CD200: variants seen among roughly 807,000 people sequenced by gnomAD.
The protein encoded by CD200 is OX-2 membrane glycoprotein.
A neutral mutation model predicts 30.9 loss-of-function variants in CD200; 15 were observed. The ratio of observed to expected loss-of-function variants is 0.49; its 90% confidence interval spans 0.32 to 0.75. The LOEUF (loss-of-function observed/expected upper bound fraction) is 0.75, where lower values mean the gene tolerates loss of function less well. Among genes scored for constraint, CD200 ranks in the 30% least tolerant of loss-of-function variants. The pLI, the probability that CD200 is intolerant of heterozygous loss-of-function variation, is 0.03. For synonymous variants in CD200, 134 were observed against 126.2 expected (o/e 1.06, Z -0.41); for missense variants, 262 against 324.2 (o/e 0.81, Z 1.47).
At chr3:112,355,115 T>C (rs926635342) in intron 5 of CD200, among the ~76,000 whole-genome samples, 1 of 152,228 alleles carries the variant, frequency 6.6e-6, no homozygotes, top group Admixed American at 6.5e-5. Context: ...GCCATTATTA[T>C]GCCTATCACA....
intron 3 of CD200, among the ~76,000 whole-genome samples, chr3:112,345,665 T>C (rs1369070119): frequency 2.6e-5 from 4 of 152,204 alleles, no homozygotes; most frequent in African/African-American, 4.8e-5. Context: ...ACAATAAGTG[T>C]GAAATAGATC....
chr3:112,360,333 A>AAAAAAAAAT (rs879786648), intron 5 of CD200, among the ~76,000 whole-genome samples: 3,860 of 141,250 alleles, frequency 0.027, 101 homozygotes, highest in East Asian at 0.13. Context: ...ATCTAAAAAA[A>AAAAAAAAAT]ATATATATAT....
At chr3:112,360,816 C>T (rs1306781397) in intron 5 of CD200, among the ~76,000 whole-genome samples, 3 of 152,136 alleles carry the variant, frequency 2.0e-5, no homozygotes, top group African/African-American at 7.2e-5. Flanking sequence ...AGCCACTAGC[C>T]CTTGGAAAGG....
In CD200 at chr3:112,353,780, G is replaced by A. The variant is rs1458044847; in HGVS notation, c.802+3961G>A. On this transcript the variant is annotated intron_variant, in intron 5 of 5. Coordinates refer to ENST00000315711, the MANE Select transcript of CD200 (RefSeq NM_005944.7). ...TGTATGAATGGGTAGCCCTCTGTCC[G>A]GGCTGTATGAAATAAGAACCTTTGC... is the stretch of plus-strand genomic sequence containing the variant. Among the ~76,000 whole-genome samples the A allele has an allele frequency of 3.3e-5, 5 of 152,048 alleles. No individual in the cohort carries two copies. In the East Asian group the frequency reaches 5.8e-4, roughly 18 times the overall value.
intron 5 of CD200, among the ~76,000 whole-genome samples, chr3:112,358,008 T>C (rs2081660399): frequency 6.6e-6 from 1 of 152,200 alleles, no homozygotes; most frequent in South Asian, 2.1e-4. Context: ...CCAGAGCCTA[T>C]GCAGCTCAGG....
At chr3:112,355,438 A>G (rs777106808) in intron 5 of CD200, among the ~76,000 whole-genome samples, 31 of 151,916 alleles carry the variant, frequency 2.0e-4, no homozygotes, top group Non-Finnish European at 4.0e-4. Flanking sequence ...GCTTCTCCCT[A>G]TTCCTACCTT....
chr3:112,340,552 C>A (rs558599758), intron 1 of CD200, among the ~76,000 whole-genome samples: 3 of 152,260 alleles, frequency 2.0e-5, no homozygotes, highest in South Asian at 2.1e-4. Flanking sequence ...TGCTGTATAA[C>A]ATTTGTATTC....
Position 112,345,148 on chromosome 3 carries a change from T to A in CD200, c.281T>A (p.Ile94Lys). Residue 94 changes from isoleucine to lysine, a missense_variant, in exon 3 of 6, where the codon ATA becomes AAA. Transcript: ENST00000315711. The stretch of plus-strand genomic sequence containing the variant: ...ATCCAGCCTGCCTATAAGGACAAGA[T>A]AAACATTACCCAGCTGGGACTCCAA... ...VVIQPAYKDK[I>K]NITQLGLQNS... 6.2e-7 allele frequency: 1 copy of A among 1,614,084 alleles called. No homozygotes were observed. The highest frequency in any genetic ancestry group is 1.1e-5 in the South Asian group (1 of 91,082).
intron 2 of CD200, among the ~76,000 whole-genome samples, chr3:112,344,643 C>A (rs970602855): frequency 6.6e-6 from 1 of 152,192 alleles, no homozygotes; most frequent in Non-Finnish European, 1.5e-5. Flanking sequence ...ATTGGTGAAG[C>A]TGCTATCCTA....
rs1167701949 is a variant in CD200 at position 112,362,583 on chromosome 3, A to T, written c.*1033A>T. ...CCCTTTGTTCTAAAGATATTGTTCCAGCTAGTGGAATGATGTTGAATCTTT... is the reference window on the plus strand; with the variant it reads ...CCCTTTGTTCTAAAGATATTGTTCCTGCTAGTGGAATGATGTTGAATCTTT... On this transcript the variant is annotated 3_prime_UTR_variant, in exon 6 of 6. Coordinates refer to ENST00000315711, the MANE Select transcript of CD200 (RefSeq NM_005944.7). 6.6e-6 allele frequency: 1 copy of T among 152,616 alleles called. No individual in the cohort carries two copies. Among genetic ancestry groups the T allele is most frequent in the Non-Finnish European group, 1.5e-5 (1 of 68,034 alleles). 9.5% of individuals were successfully genotyped at this position (152,616 alleles called of 1,614,324 possible).
intron 2 of CD200, among the ~76,000 whole-genome samples, chr3:112,343,409 T>A (rs541450288): frequency 6.6e-6 from 1 of 152,064 alleles, no homozygotes; most frequent in Non-Finnish European, 1.5e-5. Flanking sequence ...CCTTAAGCAA[T>A]CTTCCTGTCC....
chr3:112,357,967 C>A (rs2081659470), intron 5 of CD200, among the ~76,000 whole-genome samples: 1 of 152,148 alleles, frequency 6.6e-6, no homozygotes, highest in Non-Finnish European at 1.5e-5. Flanking sequence ...TAATTATTCA[C>A]TCAATGATTT....
At chr3:112,336,013 A>G (rs765294341) in intron 1 of CD200, 1 of 1,605,902 alleles carries the variant, frequency 6.2e-7, no homozygotes, top group Non-Finnish European at 8.5e-7. Flanking sequence ...ATCAATGATT[A>G]CCAGGTAATT....
chr3:112,339,499 C>T (rs576013130), intron 1 of CD200, among the ~76,000 whole-genome samples: 1 of 152,232 alleles, frequency 6.6e-6, no homozygotes, highest in Non-Finnish European at 1.5e-5. Context: ...CAGTTTGCAT[C>T]CCCAAAATAA....
At chr3:112,332,879 T>A, upstream of CD200, 1 of 346,560 alleles carries the variant, frequency 2.9e-6, no homozygotes. Flanking sequence ...TCCCACCTCA[T>A]TTCCTTTCTC....
At chr3:112,357,681 G>A (rs1305065616) in intron 5 of CD200, among the ~76,000 whole-genome samples, 1 of 152,114 alleles carries the variant, frequency 6.6e-6, no homozygotes, top group African/African-American at 2.4e-5. Context: ...TGGACACATG[G>A]GCATGCGTAT....
At chr3:112,354,975 G>C (rs1576623040) in intron 5 of CD200, among the ~76,000 whole-genome samples, 1 of 152,256 alleles carries the variant, frequency 6.6e-6, no homozygotes, top group Admixed American at 6.5e-5. Flanking sequence ...GGATCCTTGT[G>C]ATTACAATGG....
At position 112,357,720 on chromosome 3, in the gene CD200, G is replaced by A. The variant is rs112575465; in HGVS notation, c.803-3823G>A. Reference sequence around the variant, plus strand: ...GAAGGGAGAAGAACTCATACAGTAAGTCTTAATGTCATCAATAGGTTCTTG... The same window carrying A: ...GAAGGGAGAAGAACTCATACAGTAAATCTTAATGTCATCAATAGGTTCTTG... On this transcript the variant is annotated intron_variant, in intron 5 of 5. Coordinates refer to ENST00000315711, the MANE Select transcript of CD200 (RefSeq NM_005944.7). 2.2e-3 allele frequency among the ~76,000 whole-genome samples: 341 copies of A among 152,240 alleles called. 1 individual carries two copies. The highest frequency in any genetic ancestry group is 7.5e-3 in the African/African-American group (313 of 41,548).
intron 3 of CD200, 23 bp downstream of exon 3, chr3:112,345,311 G>T (rs375864607): frequency 6.3e-7 from 1 of 1,577,010 alleles, no homozygotes; most frequent in Admixed American, 1.7e-5. Context: ...GAGAATCATT[G>T]TCTGTGTCTG....
Sources: gnomAD v4.1 joint callset for allele counts (sites outside exome capture counted in the v4.1 genomes callset) on GRCh38, gnomAD v4.1.1 for gene constraint, MANE v1.5 for transcripts, NCBI Gene and HGNC (gene_info 2026-07-23, HGNC 2026-07-21) for gene names.